GPD2: variants seen among roughly 807,000 people sequenced by gnomAD.
The protein encoded by GPD2 is glycerol-3-phosphate dehydrogenase 2.
GPD2 carries 54 observed loss-of-function variants against 82.4 expected under a neutral mutation model. The observed-to-expected ratio is 0.66, with a 90% CI of 0.53 to 0.82. The LOEUF (loss-of-function observed/expected upper bound fraction) is 0.82, where lower values mean the gene tolerates loss of function less well. Ranked by LOEUF, GPD2 falls within the 40% of genes least tolerant of loss-of-function variation. The pLI is 0.00. For synonymous variants in GPD2, 288 were observed against 306.1 expected (o/e 0.94, Z 0.62); for missense variants, 748 against 896.2 (o/e 0.83, Z 2.11).
At chr2:156,440,418 T>C (rs1390727129) in intron 1 of GPD2, among the ~76,000 whole-genome samples, 1 of 152,212 alleles carries the variant, frequency 6.6e-6, no homozygotes, top group African/African-American at 2.4e-5. Context: ...TACCTGAGGA[T>C]GTTTAGATAA....
upstream of GPD2, among the ~76,000 whole-genome samples, chr2:156,432,003 C>T (rs1688321546): frequency 6.6e-6 from 1 of 151,180 alleles, no homozygotes; most frequent in South Asian, 2.1e-4. Context: ...TCTCCTACCT[C>T]AGCCTCCCGA....
At chr2:156,499,100 G>C (rs1225845892) in intron 3 of GPD2, among the ~76,000 whole-genome samples, 1 of 152,136 alleles carries the variant, frequency 6.6e-6, no homozygotes. Flanking sequence ...GACATAAAGA[G>C]TTTGTGTGAG....
At chr2:156,519,834 G>A (rs1279201764) in intron 6 of GPD2, among the ~76,000 whole-genome samples, 1 of 152,218 alleles carries the variant, frequency 6.6e-6, no homozygotes, top group Non-Finnish European at 1.5e-5. Context: ...CAGCCCCATG[G>A]CAGCATCTAG....
intron 2 of GPD2, among the ~76,000 whole-genome samples, chr2:156,491,490 G>C (rs1684172957): frequency 6.6e-6 from 1 of 152,218 alleles, no homozygotes; most frequent in African/African-American, 2.4e-5. Flanking sequence ...TCGTGTTGCT[G>C]TGTGTAGCAG....
intron 1 of GPD2, among the ~76,000 whole-genome samples, chr2:156,440,969 T>C (rs1170436625): frequency 6.6e-6 from 1 of 152,154 alleles, no homozygotes; most frequent in African/African-American, 2.4e-5. Flanking sequence ...GAACCAACTA[T>C]GTAATTAGAG....
At chr2:156,560,896 CTAT>C (rs1166773737) in intron 9 of GPD2, among the ~76,000 whole-genome samples, 1 of 151,892 alleles carries the variant, frequency 6.6e-6, no homozygotes, top group Non-Finnish European at 1.5e-5. Flanking sequence ...TAAAAACTTC[CTAT>C]TATTGAGCAC....
At chr2:156,459,006 AATATAT>A (rs56055627) in intron 1 of GPD2, among the ~76,000 whole-genome samples, 88,272 of 149,964 alleles carry the variant, frequency 0.59, 26,115 homozygotes, top group East Asian at 0.76. Flanking sequence ...TTAAAATAGA[AATATAT>A]ATATATATAT....
chr2:156,448,722 C>T (rs1159189445), intron 1 of GPD2, among the ~76,000 whole-genome samples: 1 of 152,184 alleles, frequency 6.6e-6, no homozygotes, highest in East Asian at 1.9e-4. Context: ...ATTTGACAGA[C>T]ATCAGAAGGC....
At chr2:156,569,202 T>G (rs540014160) in intron 10 of GPD2, among the ~76,000 whole-genome samples, 161 bp from the exon 11 acceptor site, 1 of 152,178 alleles carries the variant, frequency 6.6e-6, no homozygotes, top group East Asian at 1.9e-4. Context: ...TCTTTTAACT[T>G]TATTGAACAA....
intron 13 of GPD2, among the ~76,000 whole-genome samples, chr2:156,577,715 A>C (rs1294595206): frequency 6.6e-6 from 1 of 152,164 alleles, no homozygotes; most frequent in African/African-American, 2.4e-5. Context: ...GGTTATACTC[A>C]ATAACAGTCA....
At chr2:156,477,327 G>A (rs575065365) in intron 2 of GPD2, among the ~76,000 whole-genome samples, 2 of 152,274 alleles carry the variant, frequency 1.3e-5, no homozygotes, top group South Asian at 4.1e-4. Context: ...AGCTACTCTG[G>A]AGGCTGAGGT....
chr2:156,547,532 G>A (rs1686591782), intron 6 of GPD2, among the ~76,000 whole-genome samples: 1 of 152,198 alleles, frequency 6.6e-6, no homozygotes, highest in African/African-American at 2.4e-5. Flanking sequence ...TTTTGTGTAA[G>A]TGACATCTCA....
At chr2:156,510,987 G>GTT in intron 4 of GPD2, 67 bp downstream of exon 4, 3 of 1,398,402 alleles carry the variant, frequency 2.1e-6, no homozygotes, top group Non-Finnish European at 3.0e-6. Context: ...ATTAAATCAG[G>GTT]TTTTTTTTTC....
intron 1 of GPD2, among the ~76,000 whole-genome samples, chr2:156,452,613 A>G (rs1218402287): frequency 6.6e-6 from 1 of 152,194 alleles, no homozygotes; most frequent in Non-Finnish European, 1.5e-5. Context: ...TTATGAAGGA[A>G]AGCAGAGACG....
chr2:156,447,214 C>CT (rs1573875505), intron 1 of GPD2, among the ~76,000 whole-genome samples: 1 of 152,114 alleles, frequency 6.6e-6, no homozygotes, highest in Non-Finnish European at 1.5e-5. Flanking sequence ...TACATGCTCT[C>CT]TTTCTCCTTT....
At chr2:156,402,150 G>C in the GPD2 span, among the ~76,000 whole-genome samples, 2 of 152,250 alleles carry the variant, frequency 1.3e-5, no homozygotes, top group African/African-American at 4.8e-5. Flanking sequence ...ATTATGTTCA[G>C]TGTTGGAGTG....
intron 6 of GPD2, among the ~76,000 whole-genome samples, chr2:156,536,919 G>T (rs1180599288): frequency 6.6e-6 from 1 of 152,230 alleles, no homozygotes. Context: ...GGGGTCTATG[G>T]AGGACACTAG....
intron 1 of GPD2, among the ~76,000 whole-genome samples, chr2:156,451,349 A>T (rs1460974252): frequency 2.2e-5 from 3 of 135,972 alleles, no homozygotes; most frequent in Admixed American, 7.4e-5. Context: ...GGTGCTCCTC[A>T]CTTCCCAGTA....
chr2:156,443,029 T>C (rs1029997472), intron 1 of GPD2, among the ~76,000 whole-genome samples: 2 of 152,176 alleles, frequency 1.3e-5, no homozygotes, highest in African/African-American at 4.8e-5. Flanking sequence ...TCCAGTCATA[T>C]TGGACTGATT....
Sources: gnomAD v4.1 joint callset for allele counts (sites outside exome capture counted in the v4.1 genomes callset) on GRCh38, gnomAD v4.1.1 for gene constraint, MANE v1.5 for transcripts, NCBI Gene and HGNC (gene_info 2026-07-23, HGNC 2026-07-21) for gene names.